GTF2A1L: variants seen among roughly 807,000 people sequenced by gnomAD.
GTF2A1L encodes the protein TFIIA-alpha and beta-like factor.
A neutral mutation model predicts 49.7 loss-of-function variants in GTF2A1L; 48 were observed. The ratio of observed to expected loss-of-function variants is 0.97; its 90% CI spans 0.77 to 1.23. The LOEUF (loss-of-function observed/expected upper bound fraction) is 1.23. GTF2A1L is among the 50% of genes most tolerant of loss of function. The pLI, the probability that GTF2A1L is intolerant of heterozygous loss-of-function variation, is 0.00. For missense variants in GTF2A1L, 736 were observed against 564.8 expected (o/e 1.30, Z -3.07); for synonymous variants, 246 against 193.5 (o/e 1.27, Z -2.25).
intron 8 of GTF2A1L, among the ~76,000 whole-genome samples, chr2:48,673,937 A>C (rs1679313302): frequency 6.6e-6 from 1 of 152,152 alleles, no homozygotes; most frequent in Non-Finnish European, 1.5e-5. Flanking sequence ...TCAGGGGAGA[A>C]GGGTGAGGGC....
chr2:48,620,969 A>G lies in GTF2A1L; in HGVS notation c.123+17A>G, dbSNP rs1170678227. 1.8e-5 allele frequency: 28 copies of G among 1,588,182 alleles called. No homozygotes were observed. Among genetic ancestry groups the G allele is most frequent in the Non-Finnish European group, 2.0e-5 (24 of 1,171,656 alleles). ...TTGAAGCAGGTTTGTAGCCGATACA[A>G]CTTTTTCTTCCTGTCTTTTGTTGTT... On this transcript the variant is annotated intron_variant, in intron 2 of 8. Transcript: ENST00000403751.
chr2:48,635,373 T>C (rs937266219), intron 3 of GTF2A1L, among the ~76,000 whole-genome samples: 2 of 152,032 alleles, frequency 1.3e-5, no homozygotes, highest in African/African-American at 4.8e-5. Flanking sequence ...TCTCTGTCCA[T>C]GAAAGATGAG....
At chr2:48,628,060 T>C (rs1484272910) in intron 3 of GTF2A1L, among the ~76,000 whole-genome samples, 5 of 144,356 alleles carry the variant, frequency 3.5e-5, no homozygotes, top group African/African-American at 4.9e-5. Context: ...ATGATTTCTT[T>C]GTTTTTTATG....
chr2:48,637,754 A>G (rs1470886101), intron 3 of GTF2A1L, among the ~76,000 whole-genome samples: 2 of 152,188 alleles, frequency 1.3e-5, no homozygotes, highest in Non-Finnish European at 2.9e-5. Context: ...GAAGATCCAA[A>G]TAAACACAAT....
chr2:48,619,738 C>T (rs1159052017), intron 1 of GTF2A1L, among the ~76,000 whole-genome samples: 1 of 152,108 alleles, frequency 6.6e-6, no homozygotes, highest in Non-Finnish European at 1.5e-5. Flanking sequence ...CCATTTTGGC[C>T]TGGGGGCATA....
intron 6 of GTF2A1L, among the ~76,000 whole-genome samples, chr2:48,666,457 C>G (rs1678845596): frequency 1.3e-5 from 2 of 152,138 alleles, no homozygotes; most frequent in African/African-American, 4.8e-5. Context: ...GATCTGCCCA[C>G]CTCGGCCTGC....
intron 6 of GTF2A1L, among the ~76,000 whole-genome samples, chr2:48,647,441 T>A (rs898607010): frequency 3.3e-5 from 5 of 152,166 alleles, no homozygotes; most frequent in African/African-American, 1.2e-4. Context: ...TAAAAGGTAA[T>A]CTGTTTACCA....
chr2:48,656,287 A>C (rs1239947951), intron 6 of GTF2A1L, among the ~76,000 whole-genome samples: 2 of 150,506 alleles, frequency 1.3e-5, no homozygotes, highest in South Asian at 2.1e-4. Flanking sequence ...ACCAGTTTAC[A>C]TTCTCAACAG....
In GTF2A1L at chr2:48,669,759, C is replaced by G. The variant is rs746504251; in HGVS notation, c.1016C>G (p.Thr339Ser). 6.8e-6 allele frequency: 11 copies of G among 1,613,284 alleles called. No individual in the cohort carries two copies. Among genetic ancestry groups the G allele is most frequent in the Non-Finnish European group, 9.3e-6 (11 of 1,179,688 alleles). The change falls in exon 7 of 9, where the codon ACT (threonine) becomes AGT (serine). Residue 339 changes from threonine to serine, a missense_variant. Physicochemically the swap from Thr to Ser is moderately conservative, Grantham distance 58 (BLOSUM62 1). Transcript: ENST00000403751. ...CAGGTGGATTTAAGCATTCGGGTTA[C>G]TGATGATGATATTGGTGAAATAATT... ...NSQVDLSIRV[T>S]DDDIGEIIQV...
At position 48,663,611 on chromosome 2, in the gene GTF2A1L, A is replaced by C. The variant is rs191303051; in HGVS notation, c.979-6111A>C. 1.6e-4 allele frequency among the ~76,000 whole-genome samples: 24 copies of C among 152,320 alleles called. 1 individual carries two copies. Among genetic ancestry groups the C allele is most frequent in the Admixed American group, 1.4e-3 (21 of 15,306 alleles). ...TTTTTTGAAAATAATTTAAAACATA[A>C]AATGCTATATAATAAACATTTAAAA... On this transcript the variant is annotated intron_variant, in intron 6 of 8. Coordinates refer to ENST00000403751, the MANE Select transcript of GTF2A1L (RefSeq NM_006872.5).
rs551168180 is a variant in GTF2A1L, at chr2:48,642,812, T to C, written c.303+355T>C. The stretch of plus-strand genomic sequence containing the variant: ...CGGAGGTTGCAGTGAGCTGAGATCA[T>C]GCCATTGCACTCCAGCGTGGGTGAC... On this transcript the variant is annotated intron_variant, in intron 4 of 8. Transcript: ENST00000403751. Among the ~76,000 whole-genome samples, 7 of 151,324 alleles carry C rather than the reference T, an allele frequency of 4.6e-5. No individual in the cohort carries two copies. In the East Asian group the frequency reaches 1.4e-3, roughly 30 times the overall value.
intron 3 of GTF2A1L, among the ~76,000 whole-genome samples, chr2:48,623,121 G>A (rs1676101670): frequency 6.6e-6 from 1 of 152,088 alleles, no homozygotes; most frequent in East Asian, 1.9e-4. Context: ...TGCTTTATAG[G>A]CTTGTTCCTG....
intron 6 of GTF2A1L, among the ~76,000 whole-genome samples, chr2:48,658,074 T>G (rs1469279411): frequency 2.0e-5 from 3 of 152,208 alleles, no homozygotes; most frequent in African/African-American, 7.2e-5. Flanking sequence ...TGTTGATAGT[T>G]TCTTTTGCTG....
chr2:48,654,435 G>T (rs375878894), intron 6 of GTF2A1L, among the ~76,000 whole-genome samples: 1 of 151,992 alleles, frequency 6.6e-6, no homozygotes, highest in African/African-American at 2.4e-5. Flanking sequence ...GTCTCGCTCT[G>T]TCGCCCAGGC....
chr2:48,659,004 A>G (rs1181250288), intron 6 of GTF2A1L, among the ~76,000 whole-genome samples: 1 of 152,172 alleles, frequency 6.6e-6, no homozygotes, highest in Non-Finnish European at 1.5e-5. Context: ...TTAAGATGCT[A>G]GAAATAGGCC....
At position 48,620,854 on chromosome 2, in the gene GTF2A1L, A is replaced by G; in HGVS notation, c.25A>G (p.Lys9Glu). ...TTTAACAATTGCTTTTATGTAGCCT[A>G]AACTCTACAGATCTGTAATTGAAGA... MACLNPVP[K>E]LYRSVIEDVI... The change falls in exon 2 of 9, where the codon AAA (lysine) becomes GAA (glutamate). Residue 9 changes from lysine (K) to glutamate (E), a missense_variant. By Grantham distance (56) the Lys-to-Glu change is moderately conservative. Transcript: ENST00000403751. 1 of 1,495,972 alleles carries G rather than the reference A, an allele frequency of 6.7e-7. No homozygotes were observed. Among genetic ancestry groups the G allele is most frequent in the East Asian group, 2.5e-5 (1 of 40,298 alleles). The allele number at this position is 1,495,972 out of a possible 1,614,324, so 92.7% of individuals were successfully genotyped here.
chr2:48,620,779 GAATA>G (rs4034706), intron 1 of GTF2A1L, 68 bp from the exon 2 acceptor site: 142,845 of 608,444 alleles, frequency 0.23, 16,771 homozygotes, highest in South Asian at 0.25. Flanking sequence ...TCCATCTCAA[GAATA>G]AATAAATAAA....
chr2:48,679,532 C>T lies in GTF2A1L; in HGVS notation c.*90C>T. The T allele has an allele frequency of 6.6e-7, 1 of 1,524,870 alleles. No homozygotes were observed. The allele number at this position is 1,524,870 out of a possible 1,614,324, so 94.5% of individuals were successfully genotyped here. A position where few individuals can be genotyped will look rare whatever the true frequency, so the allele number is the denominator to read the frequency against. ...CATTTTTATTTTGAATATAGTCCAG[C>T]ACAGAGCTGTTCAAATTTTTAGTTC... On this transcript the variant is annotated 3_prime_UTR_variant, in exon 9 of 9. Transcript: ENST00000403751.
intron 3 of GTF2A1L, among the ~76,000 whole-genome samples, chr2:48,624,516 A>AACATATCT (rs2104077303): frequency 6.9e-6 from 1 of 144,222 alleles, no homozygotes; most frequent in South Asian, 2.3e-4. Flanking sequence ...CTAGCAAATT[A>AACATATCT]ACATATCTGT....
Sources: allele counts gnomAD v4.1 joint callset (sites outside exome capture counted in the v4.1 genomes callset), GRCh38; gene constraint gnomAD v4.1.1; transcripts MANE v1.5; gene names NCBI Gene and HGNC (gene_info 2026-07-23, HGNC 2026-07-21).